RIC3: variants seen among roughly 807,000 people sequenced by gnomAD.
The protein encoded by RIC3 is protein RIC-3.
In RIC3, 28 loss-of-function variants were observed where a neutral mutation model predicts 27.3. That is an observed-to-expected ratio of 1.02 (90% CI 0.76 to 1.41). The LOEUF is 1.41. Among genes scored for constraint, RIC3 ranks in the 40% most tolerant of loss-of-function variants. The pLI is 0.00. For synonymous variants in RIC3, 184 were observed against 160.4 expected (o/e 1.15, Z -1.11); for missense variants, 501 against 444.7 (o/e 1.13, Z -1.14).
intron 5 of RIC3, among the ~76,000 whole-genome samples, chr11:8,121,304 G>T (rs538513099): frequency 7.2e-5 from 11 of 152,278 alleles, no homozygotes. Flanking sequence ...TTAATTACTT[G>T]TGAGATTAAA....
At chr11:8,156,058 C>T (rs1950625680) in intron 1 of RIC3, among the ~76,000 whole-genome samples, 1 of 152,216 alleles carries the variant, frequency 6.6e-6, no homozygotes, top group African/African-American at 2.4e-5. Flanking sequence ...TCTCCATTCT[C>T]AATCCATCCT....
At chr11:8,151,534 C>A (rs1239016099) in intron 1 of RIC3, among the ~76,000 whole-genome samples, 5 of 130,806 alleles carry the variant, frequency 3.8e-5, no homozygotes, top group Non-Finnish European at 6.2e-5. Context: ...TGCAGTGAGT[C>A]GAGATCGCGC....
chr11:8,146,362 G>C (rs1949677908), intron 1 of RIC3, among the ~76,000 whole-genome samples: 1 of 152,096 alleles, frequency 6.6e-6, no homozygotes, highest in Admixed American at 6.5e-5. Context: ...TGGATATAAA[G>C]ACATAAACAT....
intron 1 of RIC3, among the ~76,000 whole-genome samples, chr11:8,156,556 C>T (rs1950673436): frequency 6.6e-6 from 1 of 152,096 alleles, no homozygotes; most frequent in Non-Finnish European, 1.5e-5. Flanking sequence ...CATAATCTAA[C>T]CCAAAAGTGC....
At chr11:8,100,474 G>A in the RIC3 span, 2 of 1,585,992 alleles carry the variant, frequency 1.3e-6, no homozygotes, top group Non-Finnish European at 1.7e-6. Context: ...AGACGCCTCA[G>A]GTGGCCAGTG....
At chr11:8,166,931 G>A (rs1951745598) in intron 1 of RIC3, among the ~76,000 whole-genome samples, 1 of 151,862 alleles carries the variant, frequency 6.6e-6, no homozygotes, top group Non-Finnish European at 1.5e-5. Context: ...AGGAGGGAGG[G>A]AGGGACAGAG....
intron 4 of RIC3, chr11:8,135,793 A>G (rs903771522): frequency 2.0e-5 from 3 of 152,290 alleles, no homozygotes; most frequent in East Asian, 1.9e-4. Flanking sequence ...TTTTTCAGAC[A>G]TAACTGTCTA....
the RIC3 span, chr11:8,097,782 A>G: frequency 6.2e-7 from 1 of 1,614,110 alleles, no homozygotes; most frequent in Non-Finnish European, 8.5e-7. Context: ...CTGTGGACCC[A>G]ACAGACTTGT....
chr11:8,105,487 CAG>C (rs1231580157), downstream of RIC3: 3 of 152,048 alleles, frequency 2.0e-5, no homozygotes, highest in Non-Finnish European at 4.4e-5. Context: ...TAGATTACGA[CAG>C]GTTTGGTTTT....
chr11:8,095,475 T>A, the RIC3 span: 1 of 1,593,822 alleles, frequency 6.3e-7, no homozygotes. Context: ...TGGATGTAAC[T>A]CAGGCGTGTC....
rs1945132413 is a variant in RIC3, at chr11:8,110,637, A to T, written c.*61T>A. The T allele has an allele frequency of 6.8e-7, 1 of 1,465,126 alleles. No individual in the cohort carries two copies. The highest frequency in any genetic ancestry group is 2.3e-5 in the East Asian group (1 of 44,240). The allele number at this position is 1,465,126 out of a possible 1,614,324, so 90.8% of individuals were successfully genotyped here. A position where few individuals can be genotyped will look rare whatever the true frequency, so the allele number is the denominator to read the frequency against. On this transcript the variant is annotated 3_prime_UTR_variant, in exon 6 of 6. Transcript: ENST00000309737. ...GTGCAGGGCACAGGGCCAAGAAGGA[A>T]ATCTGAGGAGAGAGAGGTCACCTTG...
At chr11:8,128,509 T>A (rs973804530) in intron 4 of RIC3, among the ~76,000 whole-genome samples, 1 of 152,206 alleles carries the variant, frequency 6.6e-6, no homozygotes, top group African/African-American at 2.4e-5. Flanking sequence ...TTATGACATC[T>A]TCTGAATTTA....
intron 4 of RIC3, among the ~76,000 whole-genome samples, chr11:8,136,608 G>A (rs1358636638): frequency 6.6e-6 from 1 of 152,146 alleles, no homozygotes; most frequent in Non-Finnish European, 1.5e-5. Flanking sequence ...ATTCTAAACG[G>A]CCAGTTTGGC....
chr11:8,165,732 C>T (rs1300417980), intron 1 of RIC3, among the ~76,000 whole-genome samples: 7 of 148,906 alleles, frequency 4.7e-5, no homozygotes, highest in Non-Finnish European at 1.0e-4. Context: ...AAAAGACTTC[C>T]CTCCTCTATG....
rs1315760440 is a variant in RIC3, at chr11:8,108,262, T to C, written c.*2436A>G. On this transcript the variant is annotated 3_prime_UTR_variant, in exon 6 of 6. Transcript: ENST00000309737. ...GTATTTTCACACCCTACTGCTTTTT[T>C]CAACAACTCTTTCTGCCAAGAGTGT... 1 of 152,216 alleles carries C rather than the reference T, an allele frequency of 6.6e-6. No homozygotes were observed. Among genetic ancestry groups the C allele is most frequent in the Admixed American group, 6.5e-5 (1 of 15,282 alleles). 9.4% of individuals were successfully genotyped at this position (152,216 alleles called of 1,614,324 possible). A position where few individuals can be genotyped will look rare whatever the true frequency, so the allele number is the denominator to read the frequency against.
chr11:8,156,922 T>C (rs943628663), intron 1 of RIC3, among the ~76,000 whole-genome samples: 1 of 152,202 alleles, frequency 6.6e-6, no homozygotes, highest in Non-Finnish European at 1.5e-5. Context: ...CATTTTCCAC[T>C]AAACACCATC....
At chr11:8,113,408 T>G (rs774452620) in intron 5 of RIC3, among the ~76,000 whole-genome samples, 1 of 152,152 alleles carries the variant, frequency 6.6e-6, no homozygotes. Context: ...CCAGCCTCCA[T>G]GCTGGCCCCT....
intron 5 of RIC3, among the ~76,000 whole-genome samples, chr11:8,112,663 G>A (rs1282980577): frequency 6.6e-6 from 1 of 152,082 alleles, no homozygotes; most frequent in African/African-American, 2.4e-5. Flanking sequence ...GTTATATCCT[G>A]ATGTTTTTCA....
intron 5 of RIC3, among the ~76,000 whole-genome samples, chr11:8,114,791 A>G (rs1763819162): frequency 7.3e-6 from 1 of 137,650 alleles, no homozygotes; most frequent in Admixed American, 6.9e-5. Context: ...ATTATATTAA[A>G]AAAATCAAAC....
Sources: gnomAD v4.1 joint callset for allele counts (sites outside exome capture counted in the v4.1 genomes callset) on GRCh38, gnomAD v4.1.1 for gene constraint, MANE v1.5 for transcripts, NCBI Gene and HGNC (gene_info 2026-07-23, HGNC 2026-07-21) for gene names.